The following SORBS2 variants were observed in gnomAD, a reference collection of about 807,000 sequenced individuals.
SORBS2 encodes the protein sorbin and SH3 domain-containing protein 2.
In SORBS2, 46 loss-of-function variants were observed where a neutral mutation model predicts 97.7. The ratio of observed to expected loss-of-function variants is 0.47; its 90% CI spans 0.37 to 0.60. SORBS2 has a LOEUF of 0.60. Ranked by LOEUF, SORBS2 falls within the 20% of genes least tolerant of loss-of-function variation. The pLI is 0.00. For synonymous variants in SORBS2, 476 were observed against 473.4 expected (o/e 1.01, Z -0.07); for missense variants, 1,316 against 1,282.3 (o/e 1.03, Z -0.40).
At chr4:185,940,638 C>A (rs923689750) in intron 1 of SORBS2, among the ~76,000 whole-genome samples, 4 of 152,252 alleles carry the variant, frequency 2.6e-5, no homozygotes, top group Middle Eastern at 3.4e-3. Flanking sequence ...AGACTCTGAC[C>A]CCACCTACTT....
At chr4:185,751,956 T>G (rs76598366) in intron 2 of SORBS2, among the ~76,000 whole-genome samples, 5,359 of 152,144 alleles carry the variant, frequency 0.035, 330 homozygotes, top group African/African-American at 0.12. Flanking sequence ...GAGACAGTTT[T>G]GGTTGCCACA....
At position 185,596,682 on chromosome 4, in the gene SORBS2, G is replaced by C. The variant is rs1476289712; in HGVS notation, c.2797-2747C>G. On this transcript the variant is annotated intron_variant, in intron 12 of 14. Coordinates refer to ENST00000418609, the Ensembl canonical transcript of SORBS2. ...CCCGAGTAGCTGGGACTACAGGCAC[G>C]CACCACCGTGCCCAGCTAATTTTTG... Among the ~76,000 whole-genome samples, 3 of 151,538 alleles carry C rather than the reference G, an allele frequency of 2.0e-5. No individual in the cohort carries two copies. In the East Asian group the frequency reaches 5.8e-4, roughly 29 times the overall value.
chr4:185,915,413 G>A (rs1408176269), intron 1 of SORBS2, among the ~76,000 whole-genome samples: 1 of 152,152 alleles, frequency 6.6e-6, no homozygotes, highest in Non-Finnish European at 1.5e-5. Flanking sequence ...ATAGTAATCA[G>A]CTCTGAAGGT....
intron 4 of SORBS2, chr4:185,646,428 T>A: frequency 3.1e-6 from 1 of 320,544 alleles, no homozygotes; most frequent in Non-Finnish European, 5.5e-6. Flanking sequence ...TATATATATA[T>A]ATATAAATAC....
At chr4:185,776,582 G>A (rs973911877) in intron 1 of SORBS2, among the ~76,000 whole-genome samples, 2 of 151,936 alleles carry the variant, frequency 1.3e-5, no homozygotes, top group Non-Finnish European at 2.9e-5. Context: ...CTTTCCATCG[G>A]GAGATGAAAA....
chr4:185,587,446 A>C (rs2095813524), exon 15 of SORBS2: 1 of 609,246 alleles, frequency 1.6e-6, no homozygotes, highest in East Asian at 2.8e-5. Flanking sequence ...CCAGCCTGCC[A>C]TGTCGTCCCC....
chr4:185,752,294 G>GA (rs1271594498), intron 2 of SORBS2, among the ~76,000 whole-genome samples: 2 of 151,896 alleles, frequency 1.3e-5, no homozygotes, highest in Non-Finnish European at 2.9e-5. Flanking sequence ...TTACTTATAT[G>GA]AGACAGAGTC....
chr4:185,834,112 T>C (rs1203197017), intron 1 of SORBS2, among the ~76,000 whole-genome samples: 2 of 152,214 alleles, frequency 1.3e-5, no homozygotes, highest in Admixed American at 1.3e-4. Context: ...TATATACACC[T>C]GTATTAGTCA....
In SORBS2 at chr4:185,587,702, C is replaced by A. The variant is rs368930868; in HGVS notation, c.2954-14G>T. On this transcript the variant is annotated splice_polypyrimidine_tract_variant and intron_variant, in intron 14 of 14. Coordinates refer to ENST00000418609, the Ensembl canonical transcript of SORBS2. Reference sequence around the variant, plus strand: ...TTCTTGAGGTCCCTGAAAATAGAAGCGAGTCATGAAAGGGGGGTGACAACG... The same window carrying A: ...TTCTTGAGGTCCCTGAAAATAGAAGAGAGTCATGAAAGGGGGGTGACAACG... 2 of 1,607,592 alleles carry A rather than the reference C, an allele frequency of 1.2e-6. No individual in the cohort carries two copies. The highest frequency in any genetic ancestry group is 1.3e-5 in the African/African-American group (1 of 74,750).
chr4:185,638,309 G>C (rs960733706), intron 4 of SORBS2, 147 bp from the exon 15 acceptor site: 1 of 641,744 alleles, frequency 1.6e-6, no homozygotes, highest in African/African-American at 1.8e-5. Context: ...AGAGAACGGA[G>C]GAAGTAAAGT....
intron 1 of SORBS2, among the ~76,000 whole-genome samples, chr4:185,779,999 A>AC (rs1226904623): frequency 3.4e-5 from 5 of 148,510 alleles, no homozygotes; most frequent in Admixed American, 6.8e-5. Flanking sequence ...TAGACTAAGT[A>AC]GAGTAACATT....
intron 1 of SORBS2, among the ~76,000 whole-genome samples, chr4:185,827,354 T>C (rs141683400): frequency 0.66 from 7,983 of 12,036 alleles, 2,362 homozygotes; most frequent in East Asian, 0.95. Context: ...ATCATCATCA[T>C]CATCATCATC....
chr4:185,945,554 G>A (rs182417069), intron 1 of SORBS2, among the ~76,000 whole-genome samples: 1 of 152,330 alleles, frequency 6.6e-6, no homozygotes, highest in Non-Finnish European at 1.5e-5. Flanking sequence ...TTCATCTACA[G>A]ATCCTCTTCT....
chr4:185,955,664 A>C (rs2099279192), intron 1 of SORBS2, among the ~76,000 whole-genome samples: 1 of 152,194 alleles, frequency 6.6e-6, no homozygotes, highest in African/African-American at 2.4e-5. Flanking sequence ...TATAAATGAT[A>C]ATTAAGGCAT....
At chr4:185,722,546 C>T (rs1023208983) in intron 2 of SORBS2, among the ~76,000 whole-genome samples, 5 of 152,078 alleles carry the variant, frequency 3.3e-5, no homozygotes, top group African/African-American at 7.2e-5. Context: ...TGGTACTCTA[C>T]AATGAATCTG....
chr4:185,838,361 AC>A (rs1561222640), intron 1 of SORBS2, among the ~76,000 whole-genome samples: 1 of 152,096 alleles, frequency 6.6e-6, no homozygotes, highest in Non-Finnish European at 1.5e-5. Context: ...TGGGCAGGCC[AC>A]CATCATGCCA....
chr4:185,679,799 CTT>C (rs1270467710), intron 2 of SORBS2, among the ~76,000 whole-genome samples: 2 of 152,166 alleles, frequency 1.3e-5, no homozygotes, highest in African/African-American at 4.8e-5. Context: ...CTGGAAAAGT[CTT>C]TGTTTTTCTT....
chr4:185,797,017 T>C (rs1275378975), intron 1 of SORBS2, among the ~76,000 whole-genome samples: 1 of 152,174 alleles, frequency 6.6e-6, no homozygotes, highest in Non-Finnish European at 1.5e-5. Context: ...CCAGAGCGAA[T>C]GTGGACATAT....
At chr4:185,820,282 C>T (rs567952072) in intron 1 of SORBS2, among the ~76,000 whole-genome samples, 1 of 152,370 alleles carries the variant, frequency 6.6e-6, no homozygotes, top group African/African-American at 2.4e-5. Context: ...TGCAACCTCA[C>T]CTGGACAGCG....
Sources: gnomAD v4.1 joint callset for allele counts (sites outside exome capture counted in the v4.1 genomes callset) on GRCh38, gnomAD v4.1.1 for gene constraint, MANE v1.5 for transcripts, NCBI Gene and HGNC (gene_info 2026-07-23, HGNC 2026-07-21) for gene names.